TIAM1: variants seen among roughly 807,000 people sequenced by gnomAD.
The protein encoded by TIAM1 is TIAM Rac1 associated GEF 1, also known as rho guanine nucleotide exchange factor TIAM1.
In TIAM1, 65 loss-of-function variants were observed where a neutral mutation model predicts 163.5. The ratio of observed to expected loss-of-function variants is 0.40; its 90% CI spans 0.33 to 0.49. The LOEUF is 0.49. Ranked by LOEUF, TIAM1 falls within the 20% of genes least tolerant of loss-of-function variation. The probability of loss-of-function intolerance (pLI) is 0.77; values close to 1 mark genes in which losing one functional copy is unlikely to be tolerated. For missense variants in TIAM1, 1,789 were observed against 2,044.7 expected, an observed-to-expected ratio of 0.87 and a Z score of 2.41; for synonymous variants, 833 against 810.1, an observed-to-expected ratio of 1.03 and a Z score of -0.48.
intron 2 of TIAM1, among the ~76,000 whole-genome samples, chr21:31,410,765 AAGAG>A (rs2077343690): frequency 6.6e-6 from 1 of 151,820 alleles, no homozygotes; most frequent in African/African-American, 2.4e-5. Context: ...GGGGAGAGAA[AAGAG>A]AGAGACCAAC....
At chr21:31,496,189 T>A (rs1048532467) in intron 1 of TIAM1, among the ~76,000 whole-genome samples, 1 of 151,596 alleles carries the variant, frequency 6.6e-6, no homozygotes, top group Non-Finnish European at 1.5e-5. Context: ...AGAAAAAGGA[T>A]GTAAAGAAGG....
chr21:31,419,967 T>C (rs951890802), intron 2 of TIAM1, among the ~76,000 whole-genome samples: 1 of 152,190 alleles, frequency 6.6e-6, no homozygotes, highest in Non-Finnish European at 1.5e-5. Context: ...GAGAATCGCT[T>C]GAACCCGAGA....
chr21:31,386,959 C>G (rs550710), intron 2 of TIAM1, among the ~76,000 whole-genome samples: 81,976 of 151,900 alleles, frequency 0.54, 22,294 homozygotes, highest in Middle Eastern at 0.69. Context: ...TTTATCTGCT[C>G]CGGCATGGCC....
chr21:31,552,023 T>C (rs1355027602), intron 1 of TIAM1, among the ~76,000 whole-genome samples: 1 of 150,530 alleles, frequency 6.6e-6, no homozygotes, highest in African/African-American at 2.4e-5. Context: ...CTCTTAATGC[T>C]ATATGGAATT....
intron 16 of TIAM1, chr21:31,160,726 G>A (rs531707501): frequency 6.5e-5 from 25 of 383,342 alleles, no homozygotes; most frequent in African/African-American, 4.1e-4. Flanking sequence ...GGACAGCGAC[G>A]GTGAGACCCC....
intron 2 of TIAM1, among the ~76,000 whole-genome samples, chr21:31,356,497 G>A (rs1357221386): frequency 6.6e-6 from 1 of 152,156 alleles, no homozygotes; most frequent in Admixed American, 6.5e-5. Context: ...TAAGGTGGGG[G>A]CCTTTGGGAG....
intron 2 of TIAM1, among the ~76,000 whole-genome samples, chr21:31,453,965 A>T (rs1014806922): frequency 6.6e-6 from 1 of 152,106 alleles, no homozygotes; most frequent in Non-Finnish European, 1.5e-5. Flanking sequence ...ACCTCTTCCC[A>T]GAATGCTCTT....
chr21:31,324,611 C>CCA (rs1358495663), intron 2 of TIAM1, among the ~76,000 whole-genome samples: 1 of 152,124 alleles, frequency 6.6e-6, no homozygotes, highest in East Asian at 1.9e-4. Flanking sequence ...ATTTTTATTC[C>CCA]CACAGTGCTG....
chr21:31,253,821 G>C (rs2071948042), intron 4 of TIAM1, among the ~76,000 whole-genome samples: 1 of 152,160 alleles, frequency 6.6e-6, no homozygotes, highest in African/African-American at 2.4e-5. Context: ...GAAAGACCTA[G>C]AGCCAATTGG....
intron 2 of TIAM1, among the ~76,000 whole-genome samples, chr21:31,332,763 G>A (rs1309139562): frequency 6.6e-6 from 1 of 150,740 alleles, no homozygotes; most frequent in Non-Finnish European, 1.5e-5. Flanking sequence ...CACTATGTAT[G>A]TGATCATTAA....
chr21:31,286,559 A>G (rs2073817282), intron 2 of TIAM1, among the ~76,000 whole-genome samples: 1 of 152,076 alleles, frequency 6.6e-6, no homozygotes, highest in Admixed American at 6.5e-5. Flanking sequence ...AATTAAAAAA[A>G]AAAATTAGTC....
chr21:31,408,340 C>G (rs2077285426), intron 2 of TIAM1, among the ~76,000 whole-genome samples: 1 of 152,292 alleles, frequency 6.6e-6, no homozygotes, highest in Non-Finnish European at 1.5e-5. Flanking sequence ...AAGTGGTCAT[C>G]CTGATATCAA....
chr21:31,196,964 C>A (rs2085890800), intron 12 of TIAM1, among the ~76,000 whole-genome samples: 1 of 152,154 alleles, frequency 6.6e-6, no homozygotes, highest in Non-Finnish European at 1.5e-5. Flanking sequence ...AGCTGGAAGC[C>A]ATTATCCTAC....
chr21:31,182,342 A>C, intron 15 of TIAM1, 79 bp downstream of exon 15: 1 of 1,274,090 alleles, frequency 7.8e-7, no homozygotes, highest in Non-Finnish European at 1.0e-6. Context: ...TCACTGAAAC[A>C]CACAAGCCGC....
At chr21:31,175,280 C>G (rs1180347683) in intron 15 of TIAM1, among the ~76,000 whole-genome samples, 1 of 152,138 alleles carries the variant, frequency 6.6e-6, no homozygotes, top group Non-Finnish European at 1.5e-5. Flanking sequence ...GTGGGCTACT[C>G]ACTGAGGTAA....
intron 1 of TIAM1, among the ~76,000 whole-genome samples, chr21:31,473,384 C>T (rs1483663926): frequency 2.2e-5 from 3 of 133,882 alleles, no homozygotes; most frequent in Non-Finnish European, 4.6e-5. Context: ...GAGCCGTGAT[C>T]GTGCCACTGC....
At chr21:31,499,590 G>A (rs1254997676) in intron 1 of TIAM1, among the ~76,000 whole-genome samples, 2 of 151,362 alleles carry the variant, frequency 1.3e-5, no homozygotes, top group Non-Finnish European at 2.9e-5. Context: ...GGTGGCTCAC[G>A]CCTGTAATCT....
At chr21:31,450,381 T>C (rs993502586) in intron 2 of TIAM1, among the ~76,000 whole-genome samples, 3 of 152,186 alleles carry the variant, frequency 2.0e-5, no homozygotes, top group Non-Finnish European at 2.9e-5. Context: ...CAGCTCCTCC[T>C]GTAGCTCTAT....
upstream of TIAM1, among the ~76,000 whole-genome samples, chr21:31,349,085 A>T (rs2076194323): frequency 6.6e-6 from 1 of 152,222 alleles, no homozygotes; most frequent in South Asian, 2.1e-4. Flanking sequence ...TTACTATAAA[A>T]TGATGAATGT....
Sources: allele counts gnomAD v4.1 joint callset (sites outside exome capture counted in the v4.1 genomes callset), GRCh38; gene constraint gnomAD v4.1.1; transcripts MANE v1.5; gene names NCBI Gene and HGNC (gene_info 2026-07-23, HGNC 2026-07-21).